CTSH: variants seen among roughly 807,000 people sequenced by gnomAD.
CTSH encodes the protein pro-cathepsin H.
In CTSH, 52 loss-of-function variants were observed where a neutral mutation model predicts 56.3. The observed-to-expected ratio is 0.92, with a 90% CI of 0.74 to 1.16. The LOEUF (loss-of-function observed/expected upper bound fraction) is 1.16, where lower values mean the gene tolerates loss of function less well. CTSH is among the 50% of genes most tolerant of loss of function. CTSH has a pLI of 0.00. For synonymous variants in CTSH, 174 were observed against 155.7 expected, an observed-to-expected ratio of 1.12 and a Z score of -0.88; for missense variants, 406 against 424.5, an observed-to-expected ratio of 0.96 and a Z score of 0.38.
At chr15:78,932,323 T>C (rs1336307870) in intron 6 of CTSH, 49 bp downstream of exon 6, 1 of 1,546,644 alleles carries the variant, frequency 6.5e-7, no homozygotes, top group African/African-American at 1.4e-5. Flanking sequence ...CTGGCCCACA[T>C]CAGGATGGGG....
At chr15:78,938,368 C>CAA (rs34359724) in intron 2 of CTSH, among the ~76,000 whole-genome samples, 9 of 144,754 alleles carry the variant, frequency 6.2e-5, no homozygotes, top group South Asian at 2.2e-4. Context: ...GACTCTGTCT[C>CAA]AAAAAAAAAA....
chr15:78,939,431 G>A (rs1375318065), intron 1 of CTSH, among the ~76,000 whole-genome samples: 1 of 152,130 alleles, frequency 6.6e-6, no homozygotes. Context: ...ACTGGGTCGG[G>A]GTGCAGAAAG....
Position 78,921,196 on chromosome 15 carries a change from T to C in CTSH, c.*934A>G, listed in dbSNP as rs1199714870. On this transcript the variant is annotated 3_prime_UTR_variant, in exon 12 of 12. Transcript: ENST00000220166. The stretch of plus-strand genomic sequence containing the variant: ...CAGCTTTTATCATTAAGAAAGTCTG[T>C]GAGCCATAGGACAAAGAGCTGGTGG... The C allele has an allele frequency of 1.3e-5, 2 of 152,186 alleles. No homozygotes were observed. The highest frequency in any genetic ancestry group is 2.9e-5 in the Non-Finnish European group (2 of 68,036). 9.4% of individuals were successfully genotyped at this position (152,186 alleles called of 1,614,324 possible).
chr15:78,935,679 C>T lies in CTSH; in HGVS notation c.300+1G>A. ...ATTTGGTTGCAATGAATTATACCTA[C>T]CTGAGGCTCTGACCAGAGATACTTG... On this transcript the variant is annotated splice_donor_variant, in intron 4 of 11. Transcript: ENST00000220166. LOFTEE classifies it high-confidence loss of function. 6.2e-7 allele frequency: 1 copy of T among 1,609,002 alleles called. No individual in the cohort carries two copies. The highest frequency in any genetic ancestry group is 1.1e-5 in the South Asian group (1 of 90,684).
At position 78,921,994 on chromosome 15, in the gene CTSH, G is replaced by A; in HGVS notation, c.*136C>T. 1.4e-6 allele frequency: 1 copy of A among 735,146 alleles called. No homozygotes were observed. The highest frequency in any genetic ancestry group is 2.2e-6 in the Non-Finnish European group (1 of 446,000). The allele number at this position is 735,146 out of a possible 1,614,324, so 45.5% of individuals were successfully genotyped here. On this transcript the variant is annotated 3_prime_UTR_variant, in exon 12 of 12. Coordinates refer to ENST00000220166, the MANE Select transcript of CTSH (RefSeq NM_004390.5). The stretch of plus-strand genomic sequence containing the variant: ...CTCCTTGTCTGTAGGTTTCCAGGCT[G>A]GGCACAGAGGTGAGGGCAGAATGTT...
At chr15:78,943,184 G>T (rs1336391592) in intron 1 of CTSH, among the ~76,000 whole-genome samples, 1 of 152,114 alleles carries the variant, frequency 6.6e-6, no homozygotes, top group Admixed American at 6.5e-5. Flanking sequence ...AATCTAGTCA[G>T]GACTTTAAAA....
Position 78,924,940 on chromosome 15 carries a change from C to T in CTSH, c.806+394G>A, listed in dbSNP as rs531745760. Reference sequence around the variant, plus strand: ...TGAACTCCTGGCCTCAAGTGATCCACCTGCCTCGGCCTCCCAAAGTGCTGG... The same window carrying T: ...TGAACTCCTGGCCTCAAGTGATCCATCTGCCTCGGCCTCCCAAAGTGCTGG... On this transcript the variant is annotated intron_variant, in intron 10 of 11. Transcript: ENST00000220166. Among the ~76,000 whole-genome samples the T allele has an allele frequency of 1.3e-4, 19 of 151,890 alleles. No individual in the cohort carries two copies. In the South Asian group the frequency reaches 3.7e-3, roughly 30 times the overall value.
chr15:78,942,867 A>G (rs968828368), intron 1 of CTSH, among the ~76,000 whole-genome samples: 3 of 152,222 alleles, frequency 2.0e-5, no homozygotes, highest in African/African-American at 7.2e-5. Context: ...ACTACCACAC[A>G]GCATTTAGAT....
In CTSH at chr15:78,922,036, C is replaced by G. The variant is rs913512689; in HGVS notation, c.*94G>C. 1 of 1,169,342 alleles carries G rather than the reference C, an allele frequency of 8.6e-7. No homozygotes were observed. The highest frequency in any genetic ancestry group is 1.2e-6 in the Non-Finnish European group (1 of 809,964). 72.4% of individuals were successfully genotyped at this position (1,169,342 alleles called of 1,614,324 possible). A position where few individuals can be genotyped will look rare whatever the true frequency, so the allele number is the denominator to read the frequency against. Reference sequence around the variant, plus strand: ...CAGAATGTTGGGGGTCCCAGTGGATCTCCCCACAACTTCCTCCAGGGCAGG... The same window carrying G: ...CAGAATGTTGGGGGTCCCAGTGGATGTCCCCACAACTTCCTCCAGGGCAGG... On this transcript the variant is annotated 3_prime_UTR_variant, in exon 12 of 12. Transcript: ENST00000220166.
chr15:78,922,123 C>T lies in CTSH; in HGVS notation c.*7G>A. The stretch of plus-strand genomic sequence containing the variant: ...TCTCCGCCAGTCTGCGCTGCGGCTG[C>T]CACGGCTCACACCAGAGGGATGGGG... On this transcript the variant is annotated 3_prime_UTR_variant, in exon 12 of 12. Transcript: ENST00000220166. 1 of 1,561,744 alleles carries T rather than the reference C, an allele frequency of 6.4e-7. No individual in the cohort carries two copies. Among genetic ancestry groups the T allele is most frequent in the Non-Finnish European group, 8.7e-7 (1 of 1,153,694 alleles).
rs773649689 is a variant in CTSH at position 78,937,771 on chromosome 15, C to T, written c.124-348G>A. The T allele has an allele frequency of 1.6e-5, 21 of 1,310,022 alleles. No individual in the cohort carries two copies. In the East Asian group the frequency reaches 3.6e-4, roughly 23 times the overall value. 81.1% of individuals were successfully genotyped at this position (1,310,022 alleles called of 1,614,324 possible). On this transcript the variant is annotated intron_variant, in intron 2 of 11. Transcript: ENST00000220166. ...GATCACCATTTTTCAAAAGCACATG[C>T]ACTGGTGTTCCCCAACTGATTCTGC...
At chr15:78,925,272 T>C in intron 10 of CTSH, 62 bp downstream of exon 10, 2 of 1,030,910 alleles carry the variant, frequency 1.9e-6, no homozygotes, top group Non-Finnish European at 1.5e-6. Flanking sequence ...ACGAGTGGGG[T>C]GTGAGGAGGC....
chr15:78,927,761 T>C lies in CTSH; in HGVS notation c.651A>G (p.Gln217=). ...YQGKDGYCKF[Q]PGKAIGFVKD... Reference sequence around the variant, plus strand: ...TGACAAAGCCGATGGCCTTTCCAGGTTGGAACTTGCAATAACCATCCTGTT... The same window carrying C: ...TGACAAAGCCGATGGCCTTTCCAGGCTGGAACTTGCAATAACCATCCTGTT... Residue 217 remains glutamine (Q), a synonymous_variant, in exon 9 of 12, where the codon CAA becomes CAG. Transcript: ENST00000220166. 6.2e-7 allele frequency: 1 copy of C among 1,614,116 alleles called. No individual in the cohort carries two copies. The highest frequency in any genetic ancestry group is 8.5e-7 in the Non-Finnish European group (1 of 1,179,992).
Position 78,935,037 on chromosome 15 carries a change from A to G in CTSH, c.346T>C (p.Tyr116His). The change falls in exon 5 of 12, where the codon TAC (tyrosine) becomes CAC (histidine). Residue 116 changes from tyrosine to histidine, a missense_variant. Transcript: ENST00000220166. ...TTCCGCCAGTCCACGGAAGGTGGGT[A>G]GGGACCAGTACCTCGAAGGTAGTTA... is the stretch of plus-strand genomic sequence containing the variant. The part of the protein sequence containing the change: ...KSNYLRGTGP[Y>H]PPSVDWRKKG... 1 of 1,614,188 alleles carries G rather than the reference A, an allele frequency of 6.2e-7. No individual in the cohort carries two copies. The highest frequency in any genetic ancestry group is 8.5e-7 in the Non-Finnish European group (1 of 1,179,998).
At chr15:78,930,459 G>A (rs1386505799) in intron 7 of CTSH, among the ~76,000 whole-genome samples, 2 of 151,952 alleles carry the variant, frequency 1.3e-5, no homozygotes, top group Non-Finnish European at 2.9e-5. Context: ...CCCGGGAGGC[G>A]GAGCTTGCAG....
chr15:78,923,235 G>A lies in CTSH; in HGVS notation c.807-117C>T, dbSNP rs1390146678. 4.5e-6 allele frequency: 5 copies of A among 1,116,114 alleles called. No individual in the cohort carries two copies. The African/African-American group carries it at 8.0e-5, about 18-fold the overall frequency. The allele number at this position is 1,116,114 out of a possible 1,614,324, so 69.1% of individuals were successfully genotyped here. ...GCAATGTTCCCCACAGCGGACCAGGGAGGCATGTAAGGTGGTGATGTAATC... is the reference window on the plus strand; with the variant it reads ...GCAATGTTCCCCACAGCGGACCAGGAAGGCATGTAAGGTGGTGATGTAATC... On this transcript the variant is annotated intron_variant, in intron 10 of 11. Transcript: ENST00000220166.
At chr15:78,922,903 GC>G in intron 11 of CTSH, 89 bp downstream of exon 11, 1 of 1,473,130 alleles carries the variant, frequency 6.8e-7, no homozygotes. Context: ...GTCTGTGGAA[GC>G]CGTAACTCTG....
At chr15:78,937,943 C>A in intron 2 of CTSH, 1 of 507,740 alleles carries the variant, frequency 2.0e-6, no homozygotes, top group Non-Finnish European at 3.0e-6. Flanking sequence ...ATTGGGAGAT[C>A]CATTACTTTA....
Position 78,932,089 on chromosome 15 carries a change from C to T in CTSH, c.492+283G>A, listed in dbSNP as rs532288529. ...TTGGCTACCCACCAGGCAGGCTCCG[C>T]CTTTCTGAACCCCTCCGCCGGGAAG... is the stretch of plus-strand genomic sequence containing the variant. On this transcript the variant is annotated intron_variant, in intron 6 of 11. Transcript: ENST00000220166. The T allele has an allele frequency of 7.9e-5, 100 of 1,261,616 alleles. No homozygotes were observed. The African/African-American group carries it at 1.4e-3, about 18-fold the overall frequency. 78.2% of individuals were successfully genotyped at this position (1,261,616 alleles called of 1,614,324 possible). A position where few individuals can be genotyped will look rare whatever the true frequency, so the allele number is the denominator to read the frequency against.
Sources: gnomAD v4.1 joint callset for allele counts (sites outside exome capture counted in the v4.1 genomes callset) on GRCh38, gnomAD v4.1.1 for gene constraint, MANE v1.5 for transcripts, NCBI Gene and HGNC (gene_info 2026-07-23, HGNC 2026-07-21) for gene names.